INPP5D: variants seen among roughly 807,000 people sequenced by gnomAD.
INPP5D encodes phosphatidylinositol 3,4,5-trisphosphate 5-phosphatase 1.
In INPP5D, 33 loss-of-function variants were observed where a neutral mutation model predicts 122.9. The ratio of observed to expected loss-of-function variants is 0.27; its 90% CI spans 0.20 to 0.36. INPP5D has a LOEUF of 0.36. INPP5D is among the 10% of genes least tolerant of loss of function. The probability of loss-of-function intolerance (pLI) is 1.00; values close to 1 mark genes in which losing one functional copy is unlikely to be tolerated. For synonymous variants in INPP5D, 584 were observed against 576.2 expected, an observed-to-expected ratio of 1.01 and a Z score of -0.19; for missense variants, 1,053 against 1,412.7, an observed-to-expected ratio of 0.75 and a Z score of 4.08.
chr2:233,139,737 G>A (rs1179410918), intron 5 of INPP5D, 105 bp from the exon 6 acceptor site: 1 of 393,608 alleles, frequency 2.5e-6, no homozygotes, highest in Non-Finnish European at 4.5e-6. Context: ...ACCTGCTTCT[G>A]CTGGACTGAG....
intron 18 of INPP5D, among the ~76,000 whole-genome samples, chr2:233,181,022 C>T (rs1282813519): frequency 6.6e-6 from 1 of 152,212 alleles, no homozygotes; most frequent in African/African-American, 2.4e-5. Flanking sequence ...TCCCTCCTGT[C>T]TCAGAGAAGG....
chr2:233,143,358 C>T (rs962329179), intron 6 of INPP5D, among the ~76,000 whole-genome samples: 21 of 152,222 alleles, frequency 1.4e-4, no homozygotes, highest in African/African-American at 3.6e-4. Context: ...CGGTGGGGGG[C>T]GGGGGACCTG....
chr2:233,101,753 AT>A (rs1349142816), intron 2 of INPP5D, among the ~76,000 whole-genome samples: 1 of 146,392 alleles, frequency 6.8e-6, no homozygotes, highest in East Asian at 1.9e-4. Context: ...TTTATTATAA[AT>A]TATATTTATT....
intron 22 of INPP5D, 92 bp downstream of exon 22, chr2:233,190,029 G>A: frequency 6.5e-7 from 1 of 1,535,456 alleles, no homozygotes; most frequent in Non-Finnish European, 8.7e-7. Context: ...GGCACTTCCG[G>A]TCATAGGCTC....
Position 233,170,334 on chromosome 2 carries a change from G to C in INPP5D, c.1792-162G>C, listed in dbSNP as rs890615892. ...TTACTGAGCCTCAGCCGCTCCTCAC[G>C]GTTCCCCTGTGCTCACACCCGGTTC... On this transcript the variant is annotated intron_variant, in intron 15 of 26. Transcript: ENST00000445964. The surrounding 1 kb of genome is among the most constrained non-coding windows in gnomAD (Gnocchi z 4.5). The C allele has an allele frequency of 6.8e-7, 1 of 1,480,764 alleles. No homozygotes were observed. The highest frequency in any genetic ancestry group is 9.0e-7 in the Non-Finnish European group (1 of 1,105,534). The allele number at this position is 1,480,764 out of a possible 1,614,324, so 91.7% of individuals were successfully genotyped here. A position where few individuals can be genotyped will look rare whatever the true frequency, so the allele number is the denominator to read the frequency against.
At chr2:233,071,293 A>G (rs569902896) in intron 1 of INPP5D, among the ~76,000 whole-genome samples, 33 of 150,034 alleles carry the variant, frequency 2.2e-4, no homozygotes, top group East Asian at 5.9e-4. Flanking sequence ...TCTGCCTCAA[A>G]AAAAGGAAAA....
Position 233,169,410 on chromosome 2 carries a change from A to C in INPP5D, c.1652+9A>C, listed in dbSNP as rs201345714. On this transcript the variant is annotated intron_variant, in intron 14 of 26. Transcript: ENST00000445964. ...AGTGAAAAGAAACTCAGGTAATGGA[A>C]CTCCTTCCCCCCAAGAGTGTGCATT... 1 of 1,579,402 alleles carries C rather than the reference A, an allele frequency of 6.3e-7. No individual in the cohort carries two copies. The highest frequency in any genetic ancestry group is 2.3e-5 in the East Asian group (1 of 43,572).
chr2:233,133,877 G>A, intron 5 of INPP5D: 1 of 432,362 alleles, frequency 2.3e-6, no homozygotes, highest in Non-Finnish European at 4.7e-6. Context: ...CAGGGGCAGG[G>A]GTCTGTGTCT....
chr2:233,105,336 G>T lies in INPP5D; in HGVS notation c.199-16771G>T, dbSNP rs570977109. Among the ~76,000 whole-genome samples, 6 of 152,130 alleles carry T rather than the reference G, an allele frequency of 3.9e-5. No homozygotes were observed. Among genetic ancestry groups the T allele is most frequent in the African/African-American group, 4.8e-5 (2 of 41,432 alleles). ...TTTGCCAGTGCCGCTCCCTTCGCCCGCCAGGGTGCTCCCTGTCTCTTTGCC... is the reference window on the plus strand; with the variant it reads ...TTTGCCAGTGCCGCTCCCTTCGCCCTCCAGGGTGCTCCCTGTCTCTTTGCC... On this transcript the variant is annotated intron_variant, in intron 2 of 26. Transcript: ENST00000445964. This position sits in a 1 kb window ranked among gnomAD's most constrained non-coding sequence, Gnocchi z 4.0.
chr2:233,203,348 C>T (rs1695390507), intron 25 of INPP5D, among the ~76,000 whole-genome samples: 1 of 152,138 alleles, frequency 6.6e-6, no homozygotes, highest in South Asian at 2.1e-4. Flanking sequence ...GCAGGCTCAT[C>T]TGATGAGGAT....
intron 2 of INPP5D, among the ~76,000 whole-genome samples, chr2:233,106,453 C>T (rs941866135): frequency 5.3e-5 from 8 of 152,240 alleles, no homozygotes; most frequent in African/African-American, 1.9e-4. Context: ...AGAACTGGTG[C>T]TTTTGCCCAC....
chr2:233,135,534 A>T (rs2106268472), intron 5 of INPP5D, among the ~76,000 whole-genome samples: 1 of 152,170 alleles, frequency 6.6e-6, no homozygotes, highest in South Asian at 2.1e-4. Context: ...AGATAAATTC[A>T]ACAAACAGAT....
chr2:233,134,155 G>T, intron 5 of INPP5D: 1 of 393,162 alleles, frequency 2.5e-6, no homozygotes, highest in Non-Finnish European at 5.2e-6. Flanking sequence ...AAGTCAAGGA[G>T]GAGGAGGAAG....
At chr2:233,195,563 TTGGCC>T (rs1695162019) in intron 24 of INPP5D, 68 bp downstream of exon 24, 2 of 1,605,708 alleles carry the variant, frequency 1.2e-6, no homozygotes, top group Middle Eastern at 1.7e-4. Flanking sequence ...TTAGCATGGT[TTGGCC>T]GGGTGCGATG....
chr2:233,110,940 C>CA lies in INPP5D; in HGVS notation c.199-11155dup, dbSNP rs113753852. Reference sequence around the variant, plus strand: ...ACTCCGTCTCTTAAAAAAAAAACAACAAAAAAAAAAAACTGTTGCTTCGAC... The same window carrying CA: ...ACTCCGTCTCTTAAAAAAAAAACAACAAAAAAAAAAAAACTGTTGCTTCGAC... On this transcript the variant is annotated intron_variant, in intron 2 of 26. Coordinates refer to ENST00000445964, the MANE Select transcript of INPP5D (RefSeq NM_001017915.3). 5.4e-3 allele frequency among the ~76,000 whole-genome samples: 722 copies of CA among 134,426 alleles called. 5 individuals carry two copies. Among genetic ancestry groups the CA allele is most frequent in the East Asian group, 7.3e-3 (36 of 4,906 alleles). The allele number at this position is 134,426 out of a possible 152,430, so 88.2% of individuals were successfully genotyped here.
intron 1 of INPP5D, among the ~76,000 whole-genome samples, chr2:233,079,118 G>T (rs1484552467): frequency 6.6e-6 from 1 of 152,088 alleles, no homozygotes; most frequent in African/African-American, 2.4e-5. Flanking sequence ...TTTTCCTGGT[G>T]CTCCCTGAGT....
At chr2:233,169,090 C>T (rs370525848) in intron 13 of INPP5D, among the ~76,000 whole-genome samples, 39 of 152,138 alleles carry the variant, frequency 2.6e-4, no homozygotes, top group African/African-American at 9.2e-4. Flanking sequence ...TCTGCCCCGC[C>T]GAGAAGGCTG....
Position 233,193,885 on chromosome 2 carries a change from T to C in INPP5D, c.2520T>C (p.His840=), listed in dbSNP as rs772070676. The C allele has an allele frequency of 1.2e-6, 2 of 1,613,778 alleles. No homozygotes were observed. The highest frequency in any genetic ancestry group is 1.3e-5 in the African/African-American group (1 of 74,894). ...CCATCTACACGCCTCTCACCCACCATGGGGAGTTGACAGGCCACTTCCAGG... is the reference window on the plus strand; with the variant it reads ...CCATCTACACGCCTCTCACCCACCACGGGGAGTTGACAGGCCACTTCCAGG... ...QLPIYTPLTH[H]GELTGHFQGE... is the part of the protein sequence containing the mutation. The change falls in exon 23 of 27, where the codon CAT becomes CAC. Residue 840 remains histidine, a synonymous_variant. Coordinates refer to ENST00000445964, the MANE Select transcript of INPP5D (RefSeq NM_001017915.3).
intron 2 of INPP5D, among the ~76,000 whole-genome samples, chr2:233,103,743 G>A (rs1692384355): frequency 7.3e-6 from 1 of 137,124 alleles, no homozygotes; most frequent in South Asian, 2.3e-4. Context: ...GACTTGCTGT[G>A]TTGCCCAGGC....
Sources: allele counts gnomAD v4.1 joint callset (sites outside exome capture counted in the v4.1 genomes callset), GRCh38; gene constraint gnomAD v4.1.1; non-coding constraint Gnocchi (gnomAD v3.1); transcripts MANE v1.5; gene names NCBI Gene and HGNC (gene_info 2026-07-23, HGNC 2026-07-21).